ZNF350: variants seen among roughly 807,000 people sequenced by gnomAD.
ZNF350 encodes the protein zinc finger protein 350.
Under a neutral mutation model 13.1 loss-of-function variants are expected in ZNF350, and 5 were observed. That is an observed-to-expected ratio of 0.38 (90% CI 0.20 to 0.80). The LOEUF (loss-of-function observed/expected upper bound fraction) is 0.80. Among genes scored for constraint, ZNF350 ranks in the 30% least tolerant of loss-of-function variants. The pLI, the probability that ZNF350 is intolerant of heterozygous loss-of-function variation, is 0.43. For synonymous variants in ZNF350, 199 were observed against 224.2 expected, an observed-to-expected ratio of 0.89 and a Z score of 1.00; for missense variants, 534 against 644.2, an observed-to-expected ratio of 0.83 and a Z score of 1.85.
intron 2 of ZNF350, chr19:51,973,509 T>C (rs374161551): frequency 6.6e-6 from 1 of 152,164 alleles, no homozygotes; most frequent in Admixed American, 6.5e-5. Flanking sequence ...CTCCATTAGC[T>C]TGAACACAAA....
At chr19:51,979,680 C>T (rs1203872642) in intron 1 of ZNF350, among the ~76,000 whole-genome samples, 2 of 152,182 alleles carry the variant, frequency 1.3e-5, no homozygotes, top group African/African-American at 2.4e-5. Context: ...GTTCCTACCC[C>T]ACTCTGTGGA....
rs960289722 is a variant in ZNF350, at chr19:51,965,646, T to C, written c.807A>G (p.Lys269=). ...EKPYECPECG[K]AFLKKSRLNI... ...TGAGCCGTGATTTCTTGAGAAAGGC[T>C]TTGCCACATTCAGGGCATTCATAAG... is the stretch of plus-strand genomic sequence containing the variant. Residue 269 remains lysine (K), a synonymous_variant, in exon 5 of 5, where the codon AAA becomes AAG. Coordinates refer to ENST00000243644, the MANE Select transcript of ZNF350 (RefSeq NM_021632.4). 3 of 1,614,122 alleles carry C rather than the reference T, an allele frequency of 1.9e-6. No individual in the cohort carries two copies. The African/African-American group carries it at 4.0e-5, about 22-fold the overall frequency.
intron 2 of ZNF350, among the ~76,000 whole-genome samples, chr19:51,970,059 A>G (rs1353800022): frequency 8.7e-6 from 1 of 114,508 alleles, no homozygotes; most frequent in African/African-American, 3.6e-5. Context: ...CGCCTGGCTA[A>G]TTTTTTTTTT....
Position 51,965,692 on chromosome 19 carries a change from C to A in ZNF350, c.761G>T (p.Arg254Leu), listed in dbSNP as rs138981906. ...ATAAGGTTTTTCTCCTGTATGAGTTCGCTGATGTTCAGTAAGCATGAACTT... is the reference window on the plus strand; with the variant it reads ...ATAAGGTTTTTCTCCTGTATGAGTTAGCTGATGTTCAGTAAGCATGAACTT... ...SRKFMLTEHQRTHTGEKPYEC... is the reference protein window; with the variant it reads ...SRKFMLTEHQLTHTGEKPYEC... Residue 254 changes from arginine (R) to leucine (L), a missense_variant, in exon 5 of 5, where the codon CGA becomes CTA. Physicochemically the swap from Arg to Leu is moderately radical, Grantham distance 102. Transcript: ENST00000243644. The A allele has an allele frequency of 1.4e-5, 22 of 1,614,024 alleles. No individual in the cohort carries two copies. Among genetic ancestry groups the A allele is most frequent in the Non-Finnish European group, 1.8e-5 (21 of 1,180,038 alleles).
chr19:51,970,078 T>TTTTGG (rs2085692616), intron 2 of ZNF350, among the ~76,000 whole-genome samples: 3 of 149,206 alleles, frequency 2.0e-5, no homozygotes, highest in South Asian at 2.1e-4. Flanking sequence ...TTTTTTTTTT[T>TTTTGG]GAGACGGAGT....
rs1467686013 is a variant in ZNF350, at chr19:51,964,530, C to A, written c.*324G>T. 1 of 341,658 alleles carries A rather than the reference C, an allele frequency of 2.9e-6. No homozygotes were observed. The highest frequency in any genetic ancestry group is 5.4e-6 in the Non-Finnish European group (1 of 186,562). The allele number at this position is 341,658 out of a possible 1,614,324, so 21.2% of individuals were successfully genotyped here. ...TACAGTATTAGCCCTTTCCCACCAA[C>A]TGCCCCTTATGAAGCTTTTCAGTCA... On this transcript the variant is annotated 3_prime_UTR_variant, in exon 5 of 5. Transcript: ENST00000243644.
Position 51,965,176 on chromosome 19 carries a change from C to T in ZNF350, c.1277G>A (p.Arg426Lys), listed in dbSNP as rs760020329. 3 of 1,614,176 alleles carry T rather than the reference C, an allele frequency of 1.9e-6. No individual in the cohort carries two copies. In the South Asian group the frequency reaches 3.3e-5, roughly 18 times the overall value. The change falls in exon 5 of 5, where the codon AGG (arginine) becomes AAG (lysine). Residue 426 changes from arginine (R) to lysine (K), a missense_variant. Arg to Lys is a conservative substitution (Grantham distance 26, BLOSUM62 2). Coordinates refer to ENST00000243644, the MANE Select transcript of ZNF350 (RefSeq NM_021632.4). Reference sequence around the variant, plus strand: ...CACCTTGGCTGCCTCTTGTTTCTCCCTTGTGTGTATTCTCTTATGCTTAAC... The same window carrying T: ...CACCTTGGCTGCCTCTTGTTTCTCCTTTGTGTGTATTCTCTTATGCTTAAC... Reference protein sequence around the residue: ...CLVKHKRIHTREKQEAAKVEN... With the variant: ...CLVKHKRIHTKEKQEAAKVEN...
chr19:51,978,673 G>A (rs2085957147), intron 1 of ZNF350, among the ~76,000 whole-genome samples: 1 of 152,172 alleles, frequency 6.6e-6, no homozygotes, highest in Non-Finnish European at 1.5e-5. Flanking sequence ...GGGAGCTGAT[G>A]TGTCAGTCAT....
chr19:51,986,612 A>T (rs1485328132), intron 1 of ZNF350, 158 bp downstream of exon 1: 1 of 152,970 alleles, frequency 6.5e-6, no homozygotes, highest in East Asian at 1.9e-4. Context: ...GACTCCCACC[A>T]GGTACCTCCC....
At chr19:51,981,077 T>C (rs1160722783) in intron 1 of ZNF350, 1 of 152,214 alleles carries the variant, frequency 6.6e-6, no homozygotes, top group Non-Finnish European at 1.5e-5. Context: ...CTGGAGGCTA[T>C]ATGATCAAAC....
Position 51,974,458 on chromosome 19 carries a change from C to T in ZNF350, c.-98G>A. 1 of 1,450,914 alleles carries T rather than the reference C, an allele frequency of 6.9e-7. No homozygotes were observed. The highest frequency in any genetic ancestry group is 1.4e-5 in the African/African-American group (1 of 71,238). 89.9% of individuals were successfully genotyped at this position (1,450,914 alleles called of 1,614,324 possible). A position where few individuals can be genotyped will look rare whatever the true frequency, so the allele number is the denominator to read the frequency against. ...AGTCTCAGTTTTCAATCAAGTGTGC[C>T]CCAAGAAATGGTGAACCCCAAATCC... is the stretch of plus-strand genomic sequence containing the variant. On this transcript the variant is annotated 5_prime_UTR_variant, in exon 2 of 5. Transcript: ENST00000243644.
At chr19:51,974,127 T>A (rs949695389) in intron 2 of ZNF350, 12 of 443,296 alleles carry the variant, frequency 2.7e-5, no homozygotes, top group African/African-American at 2.4e-4. Context: ...CAGCCATGCA[T>A]GGTGTCACAA....
At chr19:51,968,525 C>A in intron 4 of ZNF350, 53 bp downstream of exon 4, 1 of 1,529,110 alleles carries the variant, frequency 6.5e-7, no homozygotes, top group Non-Finnish European at 9.1e-7. Flanking sequence ...GCTGCCTTCT[C>A]TGACTGTCTA....
At chr19:51,975,293 A>G (rs1171121312) in intron 1 of ZNF350, among the ~76,000 whole-genome samples, 1 of 152,076 alleles carries the variant, frequency 6.6e-6, no homozygotes, top group African/African-American at 2.4e-5. Flanking sequence ...ACATGGTGAA[A>G]CCCCATCTCT....
intron 2 of ZNF350, 54 bp from the exon 3 acceptor site, chr19:51,969,185 A>C: frequency 6.3e-7 from 1 of 1,589,350 alleles, no homozygotes; most frequent in Non-Finnish European, 8.6e-7. Flanking sequence ...ATGTGGAAGA[A>C]ATGCTAAAGT....
In ZNF350 at chr19:51,974,154, T is replaced by C. The variant is rs1046055935; in HGVS notation, c.15+192A>G. 14 of 525,538 alleles carry C rather than the reference T, an allele frequency of 2.7e-5. 1 individual carries two copies. Among genetic ancestry groups the C allele is most frequent in the African/African-American group, 2.3e-4 (12 of 52,662 alleles). 32.6% of individuals were successfully genotyped at this position (525,538 alleles called of 1,614,324 possible). A position where few individuals can be genotyped will look rare whatever the true frequency, so the allele number is the denominator to read the frequency against. On this transcript the variant is annotated intron_variant, in intron 2 of 4. Transcript: ENST00000243644. ...GTGTCACAAAATTCATAATTTAGTG[T>C]TAATGCTATGAACATTATATTCCTT...
Position 51,974,395 on chromosome 19 carries a change from G to T in ZNF350, c.-35C>A, listed in dbSNP as rs1313613728. On this transcript the variant is annotated 5_prime_UTR_variant, in exon 2 of 5. Coordinates refer to ENST00000243644, the MANE Select transcript of ZNF350 (RefSeq NM_021632.4). ...TTCTTGGAAGACAGCATTCAACTGGGATGGTCTGTCTTTGTATCTTCTGGC... is the reference window on the plus strand; with the variant it reads ...TTCTTGGAAGACAGCATTCAACTGGTATGGTCTGTCTTTGTATCTTCTGGC... 6.2e-7 allele frequency: 1 copy of T among 1,613,192 alleles called. No homozygotes were observed. The highest frequency in any genetic ancestry group is 8.5e-7 in the Non-Finnish European group (1 of 1,179,434).
intron 1 of ZNF350, among the ~76,000 whole-genome samples, chr19:51,983,574 T>C (rs2086103858): frequency 1.3e-5 from 2 of 152,186 alleles, no homozygotes; most frequent in Non-Finnish European, 2.9e-5. Context: ...ATACTACTCT[T>C]TACTACACTA....
intron 2 of ZNF350, 78 bp downstream of exon 2, chr19:51,974,268 G>T: frequency 2.0e-6 from 3 of 1,488,490 alleles, no homozygotes; most frequent in South Asian, 1.2e-5. Context: ...TTTTATATTA[G>T]TGAAATTGAT....
Sources: allele counts gnomAD v4.1 joint callset (sites outside exome capture counted in the v4.1 genomes callset), GRCh38; gene constraint gnomAD v4.1.1; transcripts MANE v1.5; gene names NCBI Gene and HGNC (gene_info 2026-07-23, HGNC 2026-07-21).